The following ZFHX3 variants were observed in gnomAD, a reference collection of about 807,000 sequenced individuals.
ZFHX3 encodes the protein zinc finger homeobox protein 3.
In ZFHX3, 42 loss-of-function variants were observed where a neutral mutation model predicts 279.1. The ratio of observed to expected loss-of-function variants is 0.15; its 90% CI spans 0.12 to 0.19. The LOEUF is 0.19. Ranked by LOEUF, ZFHX3 falls within the 10% of genes least tolerant of loss-of-function variation. The pLI is 1.00. For missense variants in ZFHX3, 4,981 were observed against 4,754.0 expected (o/e 1.05, Z -1.40); for synonymous variants, 2,293 against 1,957.8 (o/e 1.17, Z -4.52).
intron 8 of ZFHX3, among the ~76,000 whole-genome samples, chr16:73,071,335 A>T (rs975146130): frequency 5.7e-4 from 85 of 149,658 alleles, no homozygotes; most frequent in Non-Finnish European, 7.4e-5. Flanking sequence ...ACGTTTTCCC[A>T]CCCTGCTGCT....
chr16:73,559,771 G>A (rs896775547), intron 2 of ZFHX3, among the ~76,000 whole-genome samples: 7 of 152,164 alleles, frequency 4.6e-5, no homozygotes, highest in South Asian at 2.1e-4. Flanking sequence ...CTCTGCCACC[G>A]TCCCCTCCCT....
chr16:73,028,534 GC>G (rs1449955563), intron 1 of ZFHX3, among the ~76,000 whole-genome samples: 6 of 152,208 alleles, frequency 3.9e-5, no homozygotes, highest in African/African-American at 7.2e-5. Context: ...ATCAGGCACA[GC>G]CTTGGCCACA....
chr16:73,298,215 G>C (rs949382533), intron 4 of ZFHX3, among the ~76,000 whole-genome samples: 1 of 147,878 alleles, frequency 6.8e-6, no homozygotes, highest in African/African-American at 2.6e-5. Context: ...ACAAAAATCA[G>C]AATTTTTTTT....
intron 2 of ZFHX3, among the ~76,000 whole-genome samples, chr16:73,496,801 G>A (rs570901450): frequency 6.6e-6 from 1 of 152,160 alleles, no homozygotes; most frequent in African/African-American, 2.4e-5. Context: ...GGAGGAGTCT[G>A]GGGGGTGGGA....
intron 1 of ZFHX3, among the ~76,000 whole-genome samples, chr16:73,710,115 G>A (rs554510355): frequency 8.5e-5 from 13 of 152,220 alleles, no homozygotes; most frequent in African/African-American, 3.1e-4. Context: ...CCTGGGAGGT[G>A]GACGTTGCAG....
intron 2 of ZFHX3, among the ~76,000 whole-genome samples, chr16:73,516,094 T>G (rs2019516442): frequency 6.6e-6 from 1 of 152,240 alleles, no homozygotes; most frequent in South Asian, 2.1e-4. Context: ...CACTGACCCA[T>G]GGGTTCTTTT....
At chr16:72,929,652 C>T (rs1284812933) in intron 3 of ZFHX3, among the ~76,000 whole-genome samples, 5 of 152,216 alleles carry the variant, frequency 3.3e-5, no homozygotes, top group South Asian at 2.1e-4. Flanking sequence ...CCTGGGGCCA[C>T]GCGGGCTGCG....
At chr16:73,718,879 G>A (rs1597080558) in intron 1 of ZFHX3, among the ~76,000 whole-genome samples, 2 of 152,136 alleles carry the variant, frequency 1.3e-5, no homozygotes, top group African/African-American at 4.8e-5. Context: ...CTCCCAAAGT[G>A]CTGGGATTAC....
At chr16:72,898,510 G>A (rs559737952) in intron 3 of ZFHX3, among the ~76,000 whole-genome samples, 2 of 152,216 alleles carry the variant, frequency 1.3e-5, no homozygotes, top group African/African-American at 2.4e-5. Context: ...GTTCTAGAAG[G>A]AAAATAACTA....
chr16:73,004,518 T>C (rs1423415770), intron 1 of ZFHX3, among the ~76,000 whole-genome samples: 1 of 151,878 alleles, frequency 6.6e-6, no homozygotes, highest in Non-Finnish European at 1.5e-5. Context: ...TTCCCCATGT[T>C]GGCCAGGCTG....
At chr16:73,204,061 G>T (rs192121772) in intron 5 of ZFHX3, among the ~76,000 whole-genome samples, 214 of 151,682 alleles carry the variant, frequency 1.4e-3, no homozygotes, top group Non-Finnish European at 2.5e-3. Context: ...TTTTTTTTTA[G>T]TAAATAAACA....
At chr16:73,625,480 G>C (rs2380341) in intron 2 of ZFHX3, among the ~76,000 whole-genome samples, 149,562 of 152,364 alleles carry the variant, frequency 0.98, 73,429 homozygotes, top group East Asian at 1. Flanking sequence ...CCGTCATCCT[G>C]CAAGATATCC....
chr16:72,938,620 C>A (rs1362655382), intron 3 of ZFHX3, among the ~76,000 whole-genome samples: 1 of 152,230 alleles, frequency 6.6e-6, no homozygotes, highest in Admixed American at 6.5e-5. Context: ...CGAGAACTCA[C>A]CACCTCAGAG....
At chr16:73,849,545 G>A (rs1283999526) in intron 1 of ZFHX3, among the ~76,000 whole-genome samples, 1 of 152,216 alleles carries the variant, frequency 6.6e-6, no homozygotes, top group East Asian at 1.9e-4. Flanking sequence ...CCTCCAGGTT[G>A]GGAATGATTA....
At chr16:73,663,659 G>C (rs1237038031) in intron 2 of ZFHX3, among the ~76,000 whole-genome samples, 1 of 152,336 alleles carries the variant, frequency 6.6e-6, no homozygotes, top group East Asian at 1.9e-4. Context: ...CCCAGAATGT[G>C]TCTGGGACAA....
intron 1 of ZFHX3, among the ~76,000 whole-genome samples, chr16:72,964,135 C>A (rs1961715633): frequency 6.6e-6 from 1 of 152,206 alleles, no homozygotes; most frequent in African/African-American, 2.4e-5. Context: ...CTACAGGCGA[C>A]CAGGCAGCAT....
chr16:73,590,396 T>G (rs1472024322), intron 2 of ZFHX3, among the ~76,000 whole-genome samples: 2 of 152,110 alleles, frequency 1.3e-5, no homozygotes, highest in African/African-American at 4.8e-5. Flanking sequence ...ATGGGACATG[T>G]TGGAAAACAA....
chr16:72,904,108 A>G (rs956174468), intron 3 of ZFHX3, among the ~76,000 whole-genome samples: 9 of 152,176 alleles, frequency 5.9e-5, no homozygotes, highest in African/African-American at 1.9e-4. Context: ...GCTCACGCCT[A>G]TAATCCTAGC....
At chr16:73,455,224 A>T (rs1409687910) in intron 3 of ZFHX3, among the ~76,000 whole-genome samples, 2 of 152,214 alleles carry the variant, frequency 1.3e-5, no homozygotes, top group Non-Finnish European at 2.9e-5. Flanking sequence ...TTAGTTCATA[A>T]AAATAGCACC....
Sources: gnomAD v4.1 joint callset for allele counts (sites outside exome capture counted in the v4.1 genomes callset) on GRCh38, gnomAD v4.1.1 for gene constraint, MANE v1.5 for transcripts, NCBI Gene and HGNC (gene_info 2026-07-23, HGNC 2026-07-21) for gene names.